The following UEVLD variants were observed in gnomAD, a reference collection of about 807,000 sequenced individuals.
UEVLD encodes the protein ubiquitin-conjugating enzyme E2 variant 3.
Under a neutral mutation model 58.6 loss-of-function variants are expected in UEVLD, and 47 were observed. The observed-to-expected ratio is 0.80, with a 90% CI of 0.63 to 1.02. The LOEUF (loss-of-function observed/expected upper bound fraction) is 1.02. UEVLD is among the 50% of genes least tolerant of loss of function. The pLI is 0.00. For synonymous variants in UEVLD, 197 were observed against 195.3 expected (o/e 1.01, Z -0.07); for missense variants, 510 against 550.6 (o/e 0.93, Z 0.74).
intron 9 of UEVLD, among the ~76,000 whole-genome samples, chr11:18,538,587 A>T (rs1287724315): frequency 6.6e-6 from 1 of 151,400 alleles, no homozygotes; most frequent in Non-Finnish European, 1.5e-5. Context: ...TGCTGGGATT[A>T]CAGCTGTGAA....
intron 4 of UEVLD, among the ~76,000 whole-genome samples, chr11:18,567,556 T>C (rs1037052746): frequency 1.3e-5 from 2 of 152,210 alleles, no homozygotes; most frequent in African/African-American, 4.8e-5. Flanking sequence ...GAGACGGTTA[T>C]TGTGGCAAAT....
chr11:18,545,679 A>G (rs1008548602), intron 8 of UEVLD, among the ~76,000 whole-genome samples: 1 of 148,508 alleles, frequency 6.7e-6, no homozygotes, highest in Non-Finnish European at 1.5e-5. Context: ...TCCTGACCTC[A>G]GGTGATCCAC....
At chr11:18,564,232 T>C (rs1029001158) in intron 6 of UEVLD, among the ~76,000 whole-genome samples, 1 of 151,972 alleles carries the variant, frequency 6.6e-6, no homozygotes, top group Non-Finnish European at 1.5e-5. Context: ...CAATCAAATA[T>C]ATATAGAAAA....
intron 7 of UEVLD, among the ~76,000 whole-genome samples, chr11:18,550,079 C>A (rs1477677605): frequency 6.6e-6 from 1 of 152,134 alleles, no homozygotes; most frequent in Admixed American, 6.5e-5. Context: ...GCCTCGGCCT[C>A]CCAAAGTGCT....
intron 3 of UEVLD, among the ~76,000 whole-genome samples, chr11:18,573,681 T>A (rs58490184): frequency 0.032 from 4,824 of 152,198 alleles, 231 homozygotes; most frequent in African/African-American, 0.11. Flanking sequence ...TGCCTACTAT[T>A]GCAAAAGGAG....
At chr11:18,535,081 AAG>A (rs1850733552) in intron 10 of UEVLD, among the ~76,000 whole-genome samples, 1 of 152,238 alleles carries the variant, frequency 6.6e-6, no homozygotes, top group South Asian at 2.1e-4. Context: ...TCATTAAGGA[AAG>A]AAATGAAGTT....
At chr11:18,579,617 T>C in intron 1 of UEVLD, 1 of 334,848 alleles carries the variant, frequency 3.0e-6, no homozygotes, top group Non-Finnish European at 4.2e-6. Context: ...GTGTGTGAAC[T>C]GCCTCTTCAT....
chr11:18,572,527 G>A (rs1005496189), intron 3 of UEVLD, among the ~76,000 whole-genome samples: 1 of 151,804 alleles, frequency 6.6e-6, no homozygotes, highest in African/African-American at 2.4e-5. Context: ...AGACAAGGCT[G>A]GGCGCGGTGG....
chr11:18,565,408 A>T (rs1852246795), intron 5 of UEVLD, among the ~76,000 whole-genome samples: 1 of 152,234 alleles, frequency 6.6e-6, no homozygotes, highest in Non-Finnish European at 1.5e-5. Flanking sequence ...AGATATTCTG[A>T]TCCAATATAT....
intron 1 of UEVLD, among the ~76,000 whole-genome samples, chr11:18,582,405 C>CTT (rs773719146): frequency 1.0e-3 from 78 of 75,636 alleles, no homozygotes; most frequent in African/African-American, 2.4e-3. Flanking sequence ...AAAATATTAG[C>CTT]TTTTTTTTTT....
intron 11 of UEVLD, 103 bp downstream of exon 11, chr11:18,534,227 T>C (rs1470362509): frequency 1.2e-6 from 1 of 850,166 alleles, no homozygotes; most frequent in Non-Finnish European, 1.6e-6. Flanking sequence ...AAGCTGGTGA[T>C]ACTGAAGACA....
intron 6 of UEVLD, among the ~76,000 whole-genome samples, chr11:18,561,885 C>T (rs1273080720): frequency 1.3e-5 from 2 of 150,060 alleles, no homozygotes; most frequent in East Asian, 1.9e-4. Flanking sequence ...GGTGACTGAG[C>T]GAGACTCCAT....
chr11:18,559,908 G>A (rs965694041), intron 6 of UEVLD, among the ~76,000 whole-genome samples: 6 of 151,870 alleles, frequency 4.0e-5, no homozygotes, highest in African/African-American at 9.7e-5. Context: ...TAGGATTCAC[G>A]GGCAAAAGTA....
At chr11:18,582,440 C>T (rs1483962957) in intron 1 of UEVLD, among the ~76,000 whole-genome samples, 1 of 138,472 alleles carries the variant, frequency 7.2e-6, no homozygotes, top group Non-Finnish European at 1.5e-5. Context: ...CAGGGTCTCA[C>T]TATGTCACCC....
intron 9 of UEVLD, 116 bp downstream of exon 9, chr11:18,544,507 T>A (rs1851204637): frequency 1.9e-6 from 2 of 1,077,466 alleles, no homozygotes; most frequent in East Asian, 5.5e-5. Flanking sequence ...GGGGTCTTGC[T>A]ATGTTGCCCA....
At position 18,536,484 on chromosome 11, in the gene UEVLD, A is replaced by G. The variant is rs1390071852; in HGVS notation, c.1061-15T>C. 6 of 1,608,730 alleles carry G rather than the reference A, an allele frequency of 3.7e-6. No homozygotes were observed. The East Asian group carries it at 1.3e-4, about 36-fold the overall frequency. On this transcript the variant is annotated splice_polypyrimidine_tract_variant and intron_variant, in intron 9 of 11. Coordinates refer to ENST00000396197, the MANE Select transcript of UEVLD (RefSeq NM_001040697.4). ...CCATGTGAGCACTAAAATTAGATGAAGAATTAATTATGTTTTGCCAGTGAC... is the reference window on the plus strand; with the variant it reads ...CCATGTGAGCACTAAAATTAGATGAGGAATTAATTATGTTTTGCCAGTGAC...
intron 6 of UEVLD, 89 bp downstream of exon 6, chr11:18,564,797 CGACAAA>C: frequency 2.4e-6 from 2 of 845,606 alleles, no homozygotes; most frequent in Non-Finnish European, 3.7e-6. Context: ...GGTTTTCCCA[CGACAAA>C]ATGAAGGCAT....
At chr11:18,587,574 G>C (rs543527480) in intron 1 of UEVLD, 1 of 152,262 alleles carries the variant, frequency 6.6e-6, no homozygotes, top group East Asian at 1.9e-4. Flanking sequence ...AGGCTCAGGC[G>C]AGTGGATCAC....
rs1194098182 is a variant in UEVLD at position 18,530,927 on chromosome 11, A to T, written c.*1393T>A. On this transcript the variant is annotated 3_prime_UTR_variant, in exon 12 of 12. Transcript: ENST00000396197. Reference sequence around the variant, plus strand: ...TTTTTAGTAGAGACAGGGTTTCACCATGTTAGCCAGGATGATCTCAATCTC... The same window carrying T: ...TTTTTAGTAGAGACAGGGTTTCACCTTGTTAGCCAGGATGATCTCAATCTC... 2.6e-5 allele frequency: 4 copies of T among 152,114 alleles called. No individual in the cohort carries two copies. The allele number at this position is 152,114 out of a possible 1,614,324, so 9.4% of individuals were successfully genotyped here.
Sources: gnomAD v4.1 joint callset for allele counts (sites outside exome capture counted in the v4.1 genomes callset) on GRCh38, gnomAD v4.1.1 for gene constraint, MANE v1.5 for transcripts, NCBI Gene and HGNC (gene_info 2026-07-23, HGNC 2026-07-21) for gene names.